The following OTUD7A variants were observed in gnomAD, a reference collection of about 807,000 sequenced individuals.
OTUD7A encodes OTU domain-containing protein 7A.
Under a neutral mutation model 65.7 loss-of-function variants are expected in OTUD7A, and 12 were observed. The observed-to-expected ratio is 0.18, with a 90% CI of 0.12 to 0.30. OTUD7A has a LOEUF of 0.30. OTUD7A is among the 10% of genes least tolerant of loss of function. OTUD7A has a pLI of 1.00. For synonymous variants in OTUD7A, 641 were observed against 586.3 expected (o/e 1.09, Z -1.35); for missense variants, 1,148 against 1,304.8 (o/e 0.88, Z 1.85).
At chr15:31,831,549 G>A (rs1310781606) in intron 1 of OTUD7A, among the ~76,000 whole-genome samples, 1 of 152,210 alleles carries the variant, frequency 6.6e-6, no homozygotes, top group Non-Finnish European at 1.5e-5. Context: ...TGGTGAGGAC[G>A]CCCAGTGCCC....
At chr15:31,492,894 A>T (rs1273825352) in intron 10 of OTUD7A, among the ~76,000 whole-genome samples, 2 of 152,096 alleles carry the variant, frequency 1.3e-5, no homozygotes, top group Non-Finnish European at 1.5e-5. Flanking sequence ...AAAAAGCAAA[A>T]CCCACATATA....
Position 31,477,163 on chromosome 15 carries a change from A to T in OTUD7A, c.*6131T>A, listed in dbSNP as rs910103412. 6.6e-6 allele frequency: 1 copy of T among 152,298 alleles called. No homozygotes were observed. Among genetic ancestry groups the T allele is most frequent in the African/African-American group, 2.4e-5 (1 of 41,466 alleles). The allele number at this position is 152,298 out of a possible 1,614,324, so 9.4% of individuals were successfully genotyped here. ...CCCTGAGCCGGTTAATGTTTGTGAC[A>T]AGCTCCTCTTCCTCTGCAGCCTTGC... On this transcript the variant is annotated 3_prime_UTR_variant, in exon 13 of 13. Coordinates refer to ENST00000307050, the MANE Select transcript of OTUD7A (RefSeq NM_001382637.1).
intron 1 of OTUD7A, among the ~76,000 whole-genome samples, chr15:31,657,438 G>C (rs1173274955): frequency 6.6e-6 from 1 of 151,648 alleles, no homozygotes; most frequent in Non-Finnish European, 1.5e-5. Flanking sequence ...CTCACTGGAA[G>C]CTCCGCCTCC....
At chr15:31,514,314 G>A (rs2041810194) in intron 8 of OTUD7A, among the ~76,000 whole-genome samples, 1 of 152,072 alleles carries the variant, frequency 6.6e-6, no homozygotes, top group African/African-American at 2.4e-5. Context: ...GCCTCCCAAA[G>A]TGCTGGGATT....
chr15:31,741,307 T>C (rs945000833), intron 1 of OTUD7A, among the ~76,000 whole-genome samples: 1 of 152,188 alleles, frequency 6.6e-6, no homozygotes, highest in African/African-American at 2.4e-5. Context: ...AAAGTAAGAT[T>C]GGCCACAACT....
chr15:31,826,164 A>G (rs1896792669), intron 1 of OTUD7A, among the ~76,000 whole-genome samples: 1 of 152,142 alleles, frequency 6.6e-6, no homozygotes, highest in African/African-American at 2.4e-5. Context: ...TGGGGCTCCG[A>G]CCCCACATTT....
chr15:31,711,254 A>G (rs1893438509), intron 1 of OTUD7A, among the ~76,000 whole-genome samples: 3 of 152,116 alleles, frequency 2.0e-5, no homozygotes, highest in African/African-American at 7.2e-5. Flanking sequence ...CCTATCACTT[A>G]AAGGCTGTGA....
chr15:31,822,985 G>T (rs997701221), intron 1 of OTUD7A, among the ~76,000 whole-genome samples: 11 of 152,006 alleles, frequency 7.2e-5, no homozygotes, highest in African/African-American at 2.7e-4. Flanking sequence ...AGTAAAATGG[G>T]GCAAAAAAAA....
intron 4 of OTUD7A, among the ~76,000 whole-genome samples, chr15:31,559,527 C>A (rs909125751): frequency 6.6e-6 from 1 of 152,014 alleles, no homozygotes; most frequent in South Asian, 2.1e-4. Context: ...CACATGAATA[C>A]GAAAGCATAC....
chr15:31,487,203 G>C lies in OTUD7A; in HGVS notation c.1362C>G (p.Ser454=). ...YMNVTWIRIP[S]ETRAPLAQPE... is the part of the protein sequence containing the mutation. Reference sequence around the variant, plus strand: ...GCACAGCCAGGCTCACCCGTGTCTCGGAGGGGATCCGGATCCACGTCACGT... The same window carrying C: ...GCACAGCCAGGCTCACCCGTGTCTCCGAGGGGATCCGGATCCACGTCACGT... The change falls in exon 12 of 13, where the codon TCC becomes TCG. Residue 454 remains serine (S), a synonymous_variant. Transcript: ENST00000307050. This position sits in a 1 kb window ranked among gnomAD's most constrained non-coding sequence, Gnocchi z 6.0. 1 of 1,613,894 alleles carries C rather than the reference G, an allele frequency of 6.2e-7. No homozygotes were observed. The highest frequency in any genetic ancestry group is 8.5e-7 in the Non-Finnish European group (1 of 1,179,958).
At chr15:31,488,376 C>T (rs1274141859) in intron 10 of OTUD7A, among the ~76,000 whole-genome samples, 1 of 152,176 alleles carries the variant, frequency 6.6e-6, no homozygotes, top group Non-Finnish European at 1.5e-5. Flanking sequence ...GGGGTATCTA[C>T]AGGTTTGGGA....
rs139419170 is a variant in OTUD7A, at chr15:31,587,812, G to A, written c.152-17615C>T. ...GCCTGCTGTCCCTCTTTGGGCTCCA[G>A]CCACTCTGACCTGGGCCAGGGCTTT... On this transcript the variant is annotated intron_variant, in intron 3 of 12. Coordinates refer to ENST00000307050, the MANE Select transcript of OTUD7A (RefSeq NM_001382637.1). Among the ~76,000 whole-genome samples the A allele has an allele frequency of 8.3e-3, 1,267 of 152,126 alleles. 10 individuals are homozygous for A. Among genetic ancestry groups the A allele is most frequent in the Non-Finnish European group, 0.014 (964 of 68,010 alleles).
At chr15:31,558,709 A>G in intron 5 of OTUD7A, 1 of 564,558 alleles carries the variant, frequency 1.8e-6, no homozygotes, top group Non-Finnish European at 3.2e-6. Flanking sequence ...TTCTCCTTAA[A>G]GGAGGACTGG....
intron 8 of OTUD7A, among the ~76,000 whole-genome samples, chr15:31,508,319 G>A (rs2041614720): frequency 6.6e-6 from 1 of 152,052 alleles, no homozygotes; most frequent in Non-Finnish European, 1.5e-5. Context: ...TTCCCAGGCT[G>A]GCTTGAGTTT....
At chr15:31,722,782 T>A (rs1286282069) in intron 1 of OTUD7A, among the ~76,000 whole-genome samples, 1 of 152,206 alleles carries the variant, frequency 6.6e-6, no homozygotes, top group African/African-American at 2.4e-5. Flanking sequence ...GGTCTTACAG[T>A]TGGCAAAACA....
chr15:31,639,204 C>T (rs1891439016), intron 3 of OTUD7A, among the ~76,000 whole-genome samples: 1 of 152,110 alleles, frequency 6.6e-6, no homozygotes, highest in African/African-American at 2.4e-5. Flanking sequence ...GACCTGCATT[C>T]CATCGCTATA....
At position 31,723,462 on chromosome 15, in the gene OTUD7A, G is replaced by A. The variant is rs527846864; in HGVS notation, c.-99-66385C>T. Among the ~76,000 whole-genome samples, 7 of 135,630 alleles carry A rather than the reference G, an allele frequency of 5.2e-5. No individual in the cohort carries two copies. In the South Asian group the frequency reaches 9.7e-4, roughly 19 times the overall value. The allele number at this position is 135,630 out of a possible 152,430, so 89.0% of individuals were successfully genotyped here. A position where few individuals can be genotyped will look rare whatever the true frequency, so the allele number is the denominator to read the frequency against. On this transcript the variant is annotated intron_variant, in intron 1 of 12. Coordinates refer to ENST00000307050, the MANE Select transcript of OTUD7A (RefSeq NM_001382637.1). ...CTTCATCTCGGAGGCCAGCCTTGCC[G>A]AGAGAAAGAAACGCAAGTCATACAT...
chr15:31,583,459 T>G (rs10220809), intron 3 of OTUD7A, among the ~76,000 whole-genome samples: 3,169 of 152,154 alleles, frequency 0.021, 137 homozygotes, highest in African/African-American at 0.072. Context: ...TCATCTTGAA[T>G]TGTAGCTCCC....
intron 1 of OTUD7A, among the ~76,000 whole-genome samples, chr15:31,785,112 T>TAAGTACACTTTGATGGATCTAAATCCTGC (rs1182980123): frequency 1.3e-5 from 2 of 152,188 alleles, no homozygotes; most frequent in African/African-American, 2.4e-5. Context: ...ATCTAAACCC[T>TAAGTACACTTTGATGGATCTAAATCCTGC]AAGTACACTT....
Sources: allele counts gnomAD v4.1 joint callset (sites outside exome capture counted in the v4.1 genomes callset), GRCh38; gene constraint gnomAD v4.1.1; non-coding constraint Gnocchi (gnomAD v3.1); transcripts MANE v1.5; gene names NCBI Gene and HGNC (gene_info 2026-07-23, HGNC 2026-07-21).